Variants in HS3ST4 observed in about 807,000 individuals in gnomAD.
The protein encoded by HS3ST4 is heparan sulfate-glucosamine 3-sulfotransferase 4.
In HS3ST4, 17 loss-of-function variants were observed where a neutral mutation model predicts 29.2. The ratio of observed to expected loss-of-function variants is 0.58; its 90% CI spans 0.40 to 0.87. The LOEUF is 0.87. Among genes scored for constraint, HS3ST4 ranks in the 40% least tolerant of loss-of-function variants. The pLI is 0.00. For missense variants in HS3ST4, 627 were observed against 634.5 expected, an observed-to-expected ratio of 0.99 and a Z score of 0.13; for synonymous variants, 314 against 285.7, an observed-to-expected ratio of 1.10 and a Z score of -1.00.
chr16:26,073,066 A>G (rs1275108377), intron 1 of HS3ST4, among the ~76,000 whole-genome samples: 1 of 152,260 alleles, frequency 6.6e-6, no homozygotes, highest in African/African-American at 2.4e-5. Context: ...GACTTAGAAC[A>G]GTGTCTAGCA....
chr16:25,869,351 G>A (rs1218534235), intron 1 of HS3ST4, among the ~76,000 whole-genome samples: 1 of 152,150 alleles, frequency 6.6e-6, no homozygotes, highest in African/African-American at 2.4e-5. Context: ...TAGGGAGTGG[G>A]AATGGTCAAA....
chr16:25,932,874 G>T (rs144943248), intron 1 of HS3ST4, among the ~76,000 whole-genome samples: 44 of 152,282 alleles, frequency 2.9e-4, no homozygotes, highest in Middle Eastern at 3.4e-3. Flanking sequence ...TTCCAGACAG[G>T]GAAGGTGAAA....
chr16:25,857,418 A>ATGC (rs1049366273), intron 1 of HS3ST4, among the ~76,000 whole-genome samples: 4 of 152,164 alleles, frequency 2.6e-5, no homozygotes, highest in African/African-American at 9.7e-5. Context: ...AGGTCTTTAC[A>ATGC]TGCTGTAACT....
At position 25,828,296 on chromosome 16, in the gene HS3ST4, CTT is replaced by C. The variant is rs1200250566; in HGVS notation, c.734+135147_734+135148del. On this transcript the variant is annotated intron_variant, in intron 1 of 1. Coordinates refer to ENST00000331351, the MANE Select transcript of HS3ST4 (RefSeq NM_006040.3). Reference sequence around the variant, plus strand: ...TCTTTCTTTCTTTCTTTCTTTCTTTCTTTCCCTCTCTCTCTCTCTCTCTCTCT... The same window carrying C: ...TCTTTCTTTCTTTCTTTCTTTCTTTCTCCCTCTCTCTCTCTCTCTCTCTCT... Among the ~76,000 whole-genome samples the C allele has an allele frequency of 2.9e-3, 214 of 74,048 alleles. 6 individuals carry two copies. Among genetic ancestry groups the C allele is most frequent in the Non-Finnish European group, 4.1e-3 (163 of 39,450 alleles). 48.6% of individuals were successfully genotyped at this position (74,048 alleles called of 152,430 possible).
At chr16:26,128,161 C>T (rs1057417005) in intron 1 of HS3ST4, among the ~76,000 whole-genome samples, 1 of 152,176 alleles carries the variant, frequency 6.6e-6, no homozygotes, top group African/African-American at 2.4e-5. Flanking sequence ...AGATTTGACA[C>T]TTATCATTCT....
At chr16:25,907,921 A>T (rs910973140) in intron 1 of HS3ST4, among the ~76,000 whole-genome samples, 7 of 152,206 alleles carry the variant, frequency 4.6e-5, no homozygotes, top group African/African-American at 1.7e-4. Flanking sequence ...ACTTATTTTT[A>T]TTTCTCTCTT....
At chr16:25,878,037 A>G (rs1967851097) in intron 1 of HS3ST4, among the ~76,000 whole-genome samples, 1 of 152,182 alleles carries the variant, frequency 6.6e-6, no homozygotes, top group Non-Finnish European at 1.5e-5. Context: ...TAGAGCTTAT[A>G]GGTTGTGGTT....
At chr16:25,982,822 C>A (rs533454819) in intron 1 of HS3ST4, among the ~76,000 whole-genome samples, 30 of 152,286 alleles carry the variant, frequency 2.0e-4, no homozygotes, top group African/African-American at 5.1e-4. Context: ...AGAGCAAGAT[C>A]CTGTTTCAAA....
At chr16:25,814,469 C>T (rs1967072887) in intron 1 of HS3ST4, among the ~76,000 whole-genome samples, 1 of 152,076 alleles carries the variant, frequency 6.6e-6, no homozygotes, top group Admixed American at 6.5e-5. Flanking sequence ...GCCTCAGCCT[C>T]CTGAGTAGCT....
At chr16:25,959,410 A>T (rs1968771748) in intron 1 of HS3ST4, among the ~76,000 whole-genome samples, 1 of 152,190 alleles carries the variant, frequency 6.6e-6, no homozygotes, top group South Asian at 2.1e-4. Flanking sequence ...GTGCAGCCTG[A>T]TTAATGTTTA....
chr16:26,091,764 T>C (rs1429573821), intron 1 of HS3ST4, among the ~76,000 whole-genome samples: 1 of 152,216 alleles, frequency 6.6e-6, no homozygotes, highest in Non-Finnish European at 1.5e-5. Context: ...GTTCCCATGA[T>C]GTGCCAAGAA....
At chr16:25,882,647 C>T (rs914822409) in intron 1 of HS3ST4, among the ~76,000 whole-genome samples, 3 of 152,190 alleles carry the variant, frequency 2.0e-5, no homozygotes, top group South Asian at 2.1e-4. Flanking sequence ...CTAGATTTTT[C>T]GAGCCACTGT....
intron 1 of HS3ST4, among the ~76,000 whole-genome samples, chr16:25,765,241 C>G (rs1567235353): frequency 6.6e-6 from 1 of 152,202 alleles, no homozygotes; most frequent in Non-Finnish European, 1.5e-5. Flanking sequence ...CGAATTCTGG[C>G]ATGAAATTCT....
At chr16:25,752,050 A>G (rs1596560839) in intron 1 of HS3ST4, among the ~76,000 whole-genome samples, 1 of 152,118 alleles carries the variant, frequency 6.6e-6, no homozygotes, top group South Asian at 2.1e-4. Context: ...AAAGCTTTCA[A>G]ACTGGAGAAT....
intron 1 of HS3ST4, among the ~76,000 whole-genome samples, chr16:25,792,568 T>C (rs1378420019): frequency 6.6e-6 from 1 of 151,982 alleles, no homozygotes; most frequent in African/African-American, 2.4e-5. Flanking sequence ...TTGATTTGAA[T>C]TTTCAAATAC....
chr16:26,021,855 G>T (rs186452999), intron 1 of HS3ST4, among the ~76,000 whole-genome samples: 3 of 151,908 alleles, frequency 2.0e-5, no homozygotes, highest in Non-Finnish European at 2.9e-5. Context: ...GTAGCGACGG[G>T]GTTTCACCAT....
At chr16:25,760,368 C>T (rs547757884) in intron 1 of HS3ST4, among the ~76,000 whole-genome samples, 37 of 151,044 alleles carry the variant, frequency 2.4e-4, no homozygotes, top group Non-Finnish European at 4.3e-4. Context: ...TGTCTAATCC[C>T]TTTTGTTATA....
rs191453317 is a variant in HS3ST4 at position 26,112,453 on chromosome 16, G to C, written c.735-23159G>C. Among the ~76,000 whole-genome samples, 126 of 140,306 alleles carry C rather than the reference G, an allele frequency of 9.0e-4. 1 individual carries two copies. Among genetic ancestry groups the C allele is most frequent in the African/African-American group, 3.2e-3 (122 of 37,952 alleles). 92.0% of individuals were successfully genotyped at this position (140,306 alleles called of 152,430 possible). A position where few individuals can be genotyped will look rare whatever the true frequency, so the allele number is the denominator to read the frequency against. On this transcript the variant is annotated intron_variant, in intron 1 of 1. Coordinates refer to ENST00000331351, the MANE Select transcript of HS3ST4 (RefSeq NM_006040.3). ...GCTGGAGTGCAGTGACACGACCTTG[G>C]CCCACCACAAGCTCCACCCAGAAGG...
chr16:25,786,090 G>C (rs1223059738), intron 1 of HS3ST4, among the ~76,000 whole-genome samples: 2 of 152,160 alleles, frequency 1.3e-5, no homozygotes, highest in African/African-American at 2.4e-5. Flanking sequence ...TGAATTCCGG[G>C]CTGAGCAGCG....
Sources: allele counts gnomAD v4.1 joint callset (sites outside exome capture counted in the v4.1 genomes callset), GRCh38; gene constraint gnomAD v4.1.1; transcripts MANE v1.5; gene names NCBI Gene and HGNC (gene_info 2026-07-23, HGNC 2026-07-21).